The following PLEKHH2 variants were observed in gnomAD, a reference collection of about 807,000 sequenced individuals.
The protein encoded by PLEKHH2 is pleckstrin homology domain-containing family H member 2.
A neutral mutation model predicts 187.9 loss-of-function variants in PLEKHH2; 129 were observed. The ratio of observed to expected loss-of-function variants is 0.69; its 90% CI spans 0.59 to 0.79. The LOEUF is 0.79. Ranked by LOEUF, PLEKHH2 falls within the 30% of genes least tolerant of loss-of-function variation. The pLI is 0.00. For missense variants in PLEKHH2, 2,076 were observed against 1,751.2 expected (o/e 1.19, Z -3.31); for synonymous variants, 686 against 605.6 (o/e 1.13, Z -1.95).
Position 43,678,896 on chromosome 2 carries a change from G to C in PLEKHH2, c.157G>C (p.Glu53Gln), listed in dbSNP as rs147622538. The C allele has an allele frequency of 6.2e-7, 1 of 1,607,834 alleles. No individual in the cohort carries two copies. Among genetic ancestry groups the C allele is most frequent in the East Asian group, 2.2e-5 (1 of 44,786 alleles). The change falls in exon 3 of 30, where the codon GAA becomes CAA. Residue 53 changes from glutamate (E) to glutamine (Q), a missense_variant. By Grantham distance (29) the Glu-to-Gln change is conservative. Transcript: ENST00000282406. Reference protein sequence around the residue: ...QQLERQVIDAERQAEKAFQQV... With the variant: ...QQLERQVIDAQRQAEKAFQQV... ...GCTTGAGAGACAAGTTATTGATGCT[G>C]AACGTCAAGCAGAAAAAGCTTTTCA...
intron 19 of PLEKHH2, 89 bp downstream of exon 19, chr2:43,731,691 G>C: frequency 1.1e-6 from 1 of 908,472 alleles, no homozygotes; most frequent in Non-Finnish European, 1.6e-6. Context: ...TAACATTTTG[G>C]GTTACAAAAT....
chr2:43,671,037 T>C (rs866509418), intron 2 of PLEKHH2, among the ~76,000 whole-genome samples: 2 of 151,170 alleles, frequency 1.3e-5, no homozygotes, highest in Admixed American at 6.6e-5. Flanking sequence ...CAGGCTGGAG[T>C]GTGATGCGTA....
intron 25 of PLEKHH2, among the ~76,000 whole-genome samples, chr2:43,756,378 C>T (rs1022996037): frequency 6.6e-6 from 1 of 151,976 alleles, no homozygotes; most frequent in African/African-American, 2.4e-5. Flanking sequence ...CTGCAACCTC[C>T]GCCTCCTGGG....
chr2:43,765,060 T>C (rs1311098393), intron 29 of PLEKHH2, among the ~76,000 whole-genome samples: 1 of 152,236 alleles, frequency 6.6e-6, no homozygotes, highest in African/African-American at 2.4e-5. Flanking sequence ...GCTCAGTCTT[T>C]AGTGAAAATA....
At chr2:43,651,725 A>G (rs1390375579) in intron 2 of PLEKHH2, among the ~76,000 whole-genome samples, 1 of 152,248 alleles carries the variant, frequency 6.6e-6, no homozygotes, top group African/African-American at 2.4e-5. Flanking sequence ...TGAACAAGGC[A>G]TATTCACTCT....
Position 43,745,978 on chromosome 2 carries a change from A to G in PLEKHH2, c.3653+15A>G. 6.5e-7 allele frequency: 1 copy of G among 1,531,210 alleles called. No homozygotes were observed. Among genetic ancestry groups the G allele is most frequent in the Non-Finnish European group, 9.0e-7 (1 of 1,114,144 alleles). 94.9% of individuals were successfully genotyped at this position (1,531,210 alleles called of 1,614,324 possible). On this transcript the variant is annotated intron_variant, in intron 24 of 29. Coordinates refer to ENST00000282406, the MANE Select transcript of PLEKHH2 (RefSeq NM_172069.4). ...TACAAAAACAGGTGTGTAATACTGCATCCAGATGCCAAAGTATGAGTATAC... is the reference window on the plus strand; with the variant it reads ...TACAAAAACAGGTGTGTAATACTGCGTCCAGATGCCAAAGTATGAGTATAC...
intron 2 of PLEKHH2, among the ~76,000 whole-genome samples, chr2:43,666,919 T>TTAGTAA (rs1161679361): frequency 6.6e-6 from 1 of 152,184 alleles, no homozygotes; most frequent in Admixed American, 6.5e-5. Context: ...AAGTATTGGC[T>TTAGTAA]TAGTAATAGT....
intron 24 of PLEKHH2, among the ~76,000 whole-genome samples, chr2:43,747,091 T>TCCCTCTCTCTCTCTCTCTCTCTCC: frequency 7.0e-6 from 1 of 142,740 alleles, no homozygotes; most frequent in South Asian, 2.2e-4. Flanking sequence ...TCTTTCTTTC[T>TCCCTCTCTCTCTCTCTCTCTCTCC]GTCTCTCTCT....
intron 23 of PLEKHH2, 130 bp downstream of exon 23, chr2:43,744,119 G>C: frequency 7.2e-7 from 1 of 1,391,340 alleles, no homozygotes; most frequent in South Asian, 1.8e-5. Context: ...TAATCTCCAC[G>C]ATAAGAAAAA....
intron 17 of PLEKHH2, among the ~76,000 whole-genome samples, chr2:43,728,706 C>T (rs1670897838): frequency 6.6e-6 from 1 of 151,302 alleles, no homozygotes; most frequent in East Asian, 2.0e-4. Flanking sequence ...GGACTACAGG[C>T]ATGCACCACC....
chr2:43,656,916 G>C (rs1164518708), intron 2 of PLEKHH2, among the ~76,000 whole-genome samples: 1 of 152,224 alleles, frequency 6.6e-6, no homozygotes, highest in Non-Finnish European at 1.5e-5. Flanking sequence ...CTACTTGGGA[G>C]GCTGAGGCAG....
intron 8 of PLEKHH2, 116 bp from the exon 9 acceptor site, chr2:43,703,864 CT>C: frequency 1.5e-6 from 1 of 666,606 alleles, no homozygotes; most frequent in Non-Finnish European, 2.5e-6. Context: ...ATGCTGTACT[CT>C]AGTGAATCTT....
At chr2:43,730,422 G>A (rs1459623971) in intron 18 of PLEKHH2, among the ~76,000 whole-genome samples, 5 of 152,004 alleles carry the variant, frequency 3.3e-5, no homozygotes, top group African/African-American at 4.8e-5. Context: ...TTTTTGAGAC[G>A]GAGTCTCACT....
rs1385729882 is a variant in PLEKHH2, at chr2:43,738,431, A to T, written c.3034A>T (p.Thr1012Ser). 8.7e-6 allele frequency: 14 copies of T among 1,613,922 alleles called. No homozygotes were observed. Among genetic ancestry groups the T allele is most frequent in the Non-Finnish European group, 1.1e-5 (13 of 1,179,948 alleles). Reference sequence around the variant, plus strand: ...CCAGAGTGCTTTGCAAATCTGCCTGACACATCCTGAGCTGCAGAATGAAAT... The same window carrying T: ...CCAGAGTGCTTTGCAAATCTGCCTGTCACATCCTGAGCTGCAGAATGAAAT... ...LAQSALQICL[T>S]HPELQNEICC... The change falls in exon 20 of 30, where the codon ACA (threonine) becomes TCA (serine). Residue 1012 changes from threonine to serine, a missense_variant. Thr to Ser is a moderately conservative substitution (Grantham distance 58, BLOSUM62 1). Coordinates refer to ENST00000282406, the MANE Select transcript of PLEKHH2 (RefSeq NM_172069.4).
In PLEKHH2 at chr2:43,697,227, C is replaced by T. The variant is rs1476675619; in HGVS notation, c.559C>T (p.Arg187Cys). 12 of 1,613,468 alleles carry T rather than the reference C, an allele frequency of 7.4e-6. No homozygotes were observed. The African/African-American group carries it at 8.0e-5, about 11-fold the overall frequency. The change falls in exon 7 of 30, where the codon CGC becomes TGC. Residue 187 changes from arginine (R) to cysteine (C), a missense_variant. Arg to Cys is a radical substitution (Grantham distance 180). Transcript: ENST00000282406. ...VSTLKLSEGQ[R>C]LSSLTFGCFL... ...TACACTAAAGCTTTCGGAAGGCCAG[C>T]GCCTGAGCAGTTTGACCTTTGGGTG...
chr2:43,701,370 A>T (rs1669353342), intron 8 of PLEKHH2, among the ~76,000 whole-genome samples: 1 of 151,938 alleles, frequency 6.6e-6, no homozygotes, highest in Non-Finnish European at 1.5e-5. Context: ...ACATTAAGCC[A>T]CTCTTCCTCT....
chr2:43,731,652 T>C, intron 19 of PLEKHH2, 50 bp downstream of exon 19: 2 of 1,170,392 alleles, frequency 1.7e-6, no homozygotes, highest in Non-Finnish European at 2.3e-6. Context: ...TACTTATATG[T>C]TGTTAAATAA....
At position 43,692,562 on chromosome 2, in the gene PLEKHH2, G is replaced by T; in HGVS notation, c.235G>T (p.Glu79Ter). 6.3e-7 allele frequency: 1 copy of T among 1,595,582 alleles called. No homozygotes were observed. Among genetic ancestry groups the T allele is most frequent in the South Asian group, 1.1e-5 (1 of 90,216 alleles). ...KLKAANIQTS[E>*]SETRLYNKCQ... is the part of the protein sequence containing the mutation. The stretch of plus-strand genomic sequence containing the variant: ...AAAAGCAGCTAATATTCAAACCAGT[G>T]AATCAGAGACAAGATTATATAATAA... Residue 79 changes from glutamate (E) to a stop codon, truncating the protein, a stop_gained, in exon 4 of 30, where the codon GAA becomes TAA. Coordinates refer to ENST00000282406, the MANE Select transcript of PLEKHH2 (RefSeq NM_172069.4). LOFTEE classifies it high-confidence loss of function.
chr2:43,685,177 T>C (rs780581788), intron 3 of PLEKHH2, among the ~76,000 whole-genome samples: 4 of 152,244 alleles, frequency 2.6e-5, no homozygotes, highest in Admixed American at 6.5e-5. Flanking sequence ...CATTCAACCA[T>C]GTCCTAAGAC....
Sources: gnomAD v4.1 joint callset for allele counts (sites outside exome capture counted in the v4.1 genomes callset) on GRCh38, gnomAD v4.1.1 for gene constraint, MANE v1.5 for transcripts, NCBI Gene and HGNC (gene_info 2026-07-23, HGNC 2026-07-21) for gene names.